Variants in SGCD observed in about 807,000 individuals in gnomAD.
SGCD encodes delta-sarcoglycan.
Under a neutral mutation model 36.6 loss-of-function variants are expected in SGCD, and 18 were observed. The ratio of observed to expected loss-of-function variants is 0.49; its 90% CI spans 0.34 to 0.73. The LOEUF (loss-of-function observed/expected upper bound fraction) is 0.73. Among genes scored for constraint, SGCD ranks in the 30% least tolerant of loss-of-function variants. The pLI, the probability that SGCD is intolerant of heterozygous loss-of-function variation, is 0.01. For synonymous variants in SGCD, 133 were observed against 130.6 expected (o/e 1.02, Z -0.12); for missense variants, 387 against 346.7 (o/e 1.12, Z -0.92).
the SGCD span, among the ~76,000 whole-genome samples, chr5:155,730,949 T>C: frequency 0.27 from 40,371 of 152,128 alleles, 7,080 homozygotes; most frequent in East Asian, 0.53. Context: ...CTGGGTGATT[T>C]AGCATGGGGC....
At chr5:156,151,833 T>C (rs888824607) in intron 3 of SGCD, among the ~76,000 whole-genome samples, 2 of 12,944 alleles carry the variant, frequency 1.5e-4, no homozygotes, top group African/African-American at 2.1e-3. Flanking sequence ...CTTCTTCTTC[T>C]TTTTTTTTTG....
chr5:155,795,055 A>G, the SGCD span, among the ~76,000 whole-genome samples: 1 of 152,132 alleles, frequency 6.6e-6, no homozygotes, highest in Non-Finnish European at 1.5e-5. Context: ...TTAAAAGTGA[A>G]GAAGTAAAAT....
intron 7 of SGCD, among the ~76,000 whole-genome samples, chr5:156,694,573 G>T (rs1486406479): frequency 6.6e-6 from 1 of 152,144 alleles, no homozygotes; most frequent in African/African-American, 2.4e-5. Flanking sequence ...ATTAACAGAA[G>T]TTTTTATTCT....
intron 3 of SGCD, among the ~76,000 whole-genome samples, chr5:156,504,921 G>A (rs979527147): frequency 3.3e-5 from 5 of 152,120 alleles, no homozygotes; most frequent in South Asian, 2.1e-4. Flanking sequence ...TTTAGTAATC[G>A]TATCATGCAT....
chr5:156,629,379 G>T (rs905781330), intron 6 of SGCD, among the ~76,000 whole-genome samples: 1 of 152,188 alleles, frequency 6.6e-6, no homozygotes. Context: ...TGCTTTGGAA[G>T]AATATTTTTA....
intron 1 of SGCD, among the ~76,000 whole-genome samples, chr5:156,004,254 G>C (rs1408169020): frequency 1.3e-5 from 2 of 151,898 alleles, no homozygotes; most frequent in African/African-American, 4.8e-5. Context: ...TTTATGTTTG[G>C]GGGGGATAAG....
chr5:155,896,945 T>C (rs1030836783), intron 1 of SGCD, among the ~76,000 whole-genome samples: 1 of 152,226 alleles, frequency 6.6e-6, no homozygotes, highest in African/African-American at 2.4e-5. Flanking sequence ...TGTTTCTTCA[T>C]AAAAATAATT....
chr5:156,739,920 G>A (rs529222188), intron 7 of SGCD: 1 of 152,182 alleles, frequency 6.6e-6, no homozygotes, highest in South Asian at 2.1e-4. Flanking sequence ...CACATCCATG[G>A]TATATAATAT....
intron 1 of SGCD, among the ~76,000 whole-genome samples, chr5:156,095,314 A>G (rs1221396898): frequency 6.6e-6 from 1 of 152,172 alleles, no homozygotes; most frequent in Non-Finnish European, 1.5e-5. Context: ...ATCTGTTAGT[A>G]CCTCAGTCTT....
intron 3 of SGCD, among the ~76,000 whole-genome samples, chr5:156,361,818 T>C (rs1215679470): frequency 3.9e-5 from 6 of 152,210 alleles, no homozygotes; most frequent in Admixed American, 3.9e-4. Context: ...TGAGATGGCC[T>C]ATAAAGAGGT....
chr5:155,890,533 G>A (rs544725557), intron 1 of SGCD, among the ~76,000 whole-genome samples: 12 of 152,132 alleles, frequency 7.9e-5, no homozygotes, highest in African/African-American at 1.9e-4. Flanking sequence ...GCATGAGCCC[G>A]GGAGGTTGAG....
chr5:156,068,270 C>G (rs1581074570), intron 1 of SGCD, among the ~76,000 whole-genome samples: 2 of 151,816 alleles, frequency 1.3e-5, no homozygotes, highest in Admixed American at 6.6e-5. Flanking sequence ...TATCCCTCCC[C>G]CCTTTCCCCA....
At chr5:156,340,775 T>C (rs1472437117) in intron 2 of SGCD, among the ~76,000 whole-genome samples, 1 of 152,220 alleles carries the variant, frequency 6.6e-6, no homozygotes, top group Non-Finnish European at 1.5e-5. Flanking sequence ...GGGCAGTACA[T>C]TTGTTCCGGG....
intron 6 of SGCD, among the ~76,000 whole-genome samples, chr5:156,609,039 T>A (rs571338788): frequency 1.5e-4 from 20 of 135,102 alleles, no homozygotes; most frequent in Non-Finnish European, 2.5e-4. Context: ...ATTTAGCCCA[T>A]TTACATTTAA....
At chr5:155,797,377 G>A in the SGCD span, among the ~76,000 whole-genome samples, 1 of 152,158 alleles carries the variant, frequency 6.6e-6, no homozygotes, top group Non-Finnish European at 1.5e-5. Flanking sequence ...ACTTTGCTAA[G>A]GCTGAGAACC....
chr5:155,979,063 G>T (rs1758176826), intron 1 of SGCD, among the ~76,000 whole-genome samples: 1 of 152,098 alleles, frequency 6.6e-6, no homozygotes, highest in African/African-American at 2.4e-5. Context: ...TTCACAGCTG[G>T]GCAGAAAATG....
chr5:156,286,708 G>A (rs1211475994), intron 3 of SGCD, among the ~76,000 whole-genome samples: 1 of 152,040 alleles, frequency 6.6e-6, no homozygotes, highest in Non-Finnish European at 1.5e-5. Context: ...AGCATTTGGA[G>A]ATATATCTAA....
At chr5:156,271,390 A>G (rs1766175014) in intron 3 of SGCD, among the ~76,000 whole-genome samples, 2 of 152,264 alleles carry the variant, frequency 1.3e-5, no homozygotes, top group South Asian at 4.1e-4. Context: ...ATCTGATGCT[A>G]GTCAAAATCA....
At chr5:156,164,531 C>T (rs1249631064) in intron 3 of SGCD, among the ~76,000 whole-genome samples, 2 of 152,214 alleles carry the variant, frequency 1.3e-5, no homozygotes, top group African/African-American at 2.4e-5. Context: ...TATTTCCAGT[C>T]TGCTCCTGCC....
Sources: gnomAD v4.1 joint callset for allele counts (sites outside exome capture counted in the v4.1 genomes callset) on GRCh38, gnomAD v4.1.1 for gene constraint, MANE v1.5 for transcripts, NCBI Gene and HGNC (gene_info 2026-07-23, HGNC 2026-07-21) for gene names.